Variants in CHLSN observed in about 807,000 individuals in gnomAD.
The protein encoded by CHLSN is cholesin, also known as protein cholesin.
chr7:1,083,902 A>C, the CHLSN span, among the ~76,000 whole-genome samples: 2 of 152,236 alleles, frequency 1.3e-5, no homozygotes, highest in Non-Finnish European at 2.9e-5. Flanking sequence ...CCTGAATGAA[A>C]GGCTCCAACC....
chr7:1,018,992 C>T, the CHLSN span, among the ~76,000 whole-genome samples: 37 of 151,960 alleles, frequency 2.4e-4, no homozygotes, highest in African/African-American at 8.0e-4. Context: ...GTCAGGAGTC[C>T]GAGACCAGCC....
the CHLSN span, among the ~76,000 whole-genome samples, chr7:1,049,208 C>T: frequency 6.6e-6 from 1 of 152,252 alleles, no homozygotes; most frequent in African/African-American, 2.4e-5. Context: ...CCACGTTTCC[C>T]CTGCACACGT....
the CHLSN span, among the ~76,000 whole-genome samples, chr7:1,035,433 G>A: frequency 2.3e-3 from 358 of 152,356 alleles, 4 homozygotes; most frequent in African/African-American, 8.2e-3. Context: ...ATTCCATGGG[G>A]ACAGAAATCT....
chr7:1,117,624 T>A, the CHLSN span, among the ~76,000 whole-genome samples: 3 of 134,326 alleles, frequency 2.2e-5, no homozygotes, highest in African/African-American at 9.0e-5. Context: ...TCACGCAGGA[T>A]GATGACATCA....
At chr7:988,686 T>C in the CHLSN span, 13 of 1,600,144 alleles carry the variant, frequency 8.1e-6, no homozygotes, top group Admixed American at 1.7e-4. Context: ...CTCTTCCTGC[T>C]GTTTGCCGGC....
chr7:1,105,590 G>A, the CHLSN span, among the ~76,000 whole-genome samples: 3 of 152,248 alleles, frequency 2.0e-5, no homozygotes, highest in Non-Finnish European at 2.9e-5. Context: ...TTACAAGCAT[G>A]TGAAAATGTA....
the CHLSN span, among the ~76,000 whole-genome samples, chr7:1,003,044 T>C: frequency 3.5e-5 from 1 of 28,792 alleles, no homozygotes; most frequent in African/African-American, 1.7e-4. Context: ...GGGAGTCCTG[T>C]GGGTGAGTGG....
chr7:1,110,469 GC>G, the CHLSN span, among the ~76,000 whole-genome samples: 14 of 152,230 alleles, frequency 9.2e-5, no homozygotes, highest in African/African-American at 3.4e-4. Context: ...GCCCCTCAGT[GC>G]GAAGGCACGG....
At chr7:1,049,051 G>A in the CHLSN span, among the ~76,000 whole-genome samples, 10 of 152,236 alleles carry the variant, frequency 6.6e-5, no homozygotes, top group East Asian at 3.9e-4. Context: ...CTGTCTGAGC[G>A]TGCGCTCCCC....
the CHLSN span, among the ~76,000 whole-genome samples, chr7:1,118,799 C>CA: frequency 0.059 from 4,464 of 75,210 alleles, 186 homozygotes; most frequent in East Asian, 0.13. Flanking sequence ...CCATCTCTAC[C>CA]AAAAAAAAAA....
chr7:1,073,150 C>T, the CHLSN span, among the ~76,000 whole-genome samples: 195 of 152,302 alleles, frequency 1.3e-3, 10 homozygotes, highest in East Asian at 0.034. Context: ...CCAGGACTGG[C>T]AGCAGGAGAG....
chr7:1,018,006 A>C, the CHLSN span, among the ~76,000 whole-genome samples: 1 of 152,182 alleles, frequency 6.6e-6, no homozygotes, highest in East Asian at 1.9e-4. Context: ...ACTTAGCCCA[A>C]ATTTAAATAA....
At chr7:1,134,831 C>T in the CHLSN span, among the ~76,000 whole-genome samples, 59 of 152,082 alleles carry the variant, frequency 3.9e-4, no homozygotes, top group Middle Eastern at 3.4e-3. Context: ...GAGCCGAGAT[C>T]GCACCACTGC....
At chr7:984,080 G>C in the CHLSN span, among the ~76,000 whole-genome samples, 1 of 152,314 alleles carries the variant, frequency 6.6e-6, no homozygotes, top group Middle Eastern at 3.4e-3. Flanking sequence ...TGCAGACTCT[G>C]GCCTTTCAGA....
chr7:999,694 C>T, the CHLSN span, among the ~76,000 whole-genome samples: 20 of 152,244 alleles, frequency 1.3e-4, no homozygotes, highest in Non-Finnish European at 2.9e-4. Context: ...TCTGCAAACA[C>T]AGGCACGGCA....
chr7:984,345 C>T, the CHLSN span: 11 of 1,477,472 alleles, frequency 7.4e-6, no homozygotes, highest in African/African-American at 2.0e-4. Flanking sequence ...ACAGGCCCGG[C>T]CTGAGGGGAC....
At chr7:1,005,362 G>T in the CHLSN span, among the ~76,000 whole-genome samples, 1 of 152,202 alleles carries the variant, frequency 6.6e-6, no homozygotes. Context: ...ACTGAGCGAG[G>T]GTCTCTATTG....
chr7:982,215 A>G, the CHLSN span, among the ~76,000 whole-genome samples: 1 of 152,138 alleles, frequency 6.6e-6, no homozygotes, highest in Non-Finnish European at 1.5e-5. Context: ...GCTCCCCACC[A>G]CAGGAGGCGT....
chr7:1,112,536 A>G, the CHLSN span, among the ~76,000 whole-genome samples: 98 of 152,230 alleles, frequency 6.4e-4, 1 homozygote, highest in African/African-American at 2.1e-3. Flanking sequence ...ATGGCCCCAC[A>G]TGAAGCCAGG....
Sources: gnomAD v4.1 joint callset for allele counts (sites outside exome capture counted in the v4.1 genomes callset) on GRCh38, gnomAD v4.1.1 for gene constraint, MANE v1.5 for transcripts, NCBI Gene and HGNC (gene_info 2026-07-23, HGNC 2026-07-21) for gene names.